SPATS1: variants seen among roughly 807,000 people sequenced by gnomAD.
SPATS1 encodes the protein spermatogenesis associated serine rich 1.
A neutral mutation model predicts 33.6 loss-of-function variants in SPATS1; 23 were observed. The observed-to-expected ratio is 0.68, with a 90% CI of 0.49 to 0.97. The LOEUF is 0.97. SPATS1 is among the 50% of genes least tolerant of loss of function. The pLI, the probability that SPATS1 is intolerant of heterozygous loss-of-function variation, is 0.00. For missense variants in SPATS1, 327 were observed against 361.0 expected, an observed-to-expected ratio of 0.91 and a Z score of 0.76; for synonymous variants, 131 against 125.6, an observed-to-expected ratio of 1.04 and a Z score of -0.29.
At chr6:44,376,833 G>A (rs1316153886) in intron 8 of SPATS1, among the ~76,000 whole-genome samples, 1 of 152,112 alleles carries the variant, frequency 6.6e-6, no homozygotes, top group African/African-American at 2.4e-5. Context: ...CAAAACTGGA[G>A]GAGTCCAGAG....
Position 44,361,566 on chromosome 6 carries a change from G to A in SPATS1, c.413-265G>A. The A allele has an allele frequency of 3.1e-6, 3 of 981,748 alleles. No individual in the cohort carries two copies. In the South Asian group the frequency reaches 1.4e-4, roughly 46 times the overall value. The allele number at this position is 981,748 out of a possible 1,614,324, so 60.8% of individuals were successfully genotyped here. On this transcript the variant is annotated intron_variant, in intron 4 of 8. Transcript: ENST00000674044. ...TCAATACTTAACTTCCAAACATAAA[G>A]TTGGCTTTATTTTTGAAGGAGAGGG...
chr6:44,350,545 G>A (rs772796057), intron 2 of SPATS1, among the ~76,000 whole-genome samples: 1 of 152,242 alleles, frequency 6.6e-6, no homozygotes, highest in Non-Finnish European at 1.5e-5. Flanking sequence ...CCCAGAGTGG[G>A]AGGATTTTGA....
At chr6:44,355,882 T>C (rs552888759) in intron 3 of SPATS1, among the ~76,000 whole-genome samples, 1 of 152,328 alleles carries the variant, frequency 6.6e-6, no homozygotes, top group Admixed American at 6.5e-5. Flanking sequence ...GTTCACATCC[T>C]GTAGGATGGG....
intron 2 of SPATS1, chr6:44,343,668 C>T (rs1006805796): frequency 5.2e-5 from 19 of 366,338 alleles, no homozygotes; most frequent in African/African-American, 4.0e-4. Flanking sequence ...TTGGATGGGA[C>T]AGTTCAGGTG....
chr6:44,344,700 T>A (rs1265786931), intron 2 of SPATS1, among the ~76,000 whole-genome samples: 2 of 151,788 alleles, frequency 1.3e-5, no homozygotes, highest in African/African-American at 4.8e-5. Flanking sequence ...TATTCCTGCC[T>A]AAAAAAATGG....
intron 2 of SPATS1, 83 bp from the exon 3 acceptor site, chr6:44,352,643 A>C (rs1468249257): frequency 7.5e-7 from 1 of 1,331,902 alleles, no homozygotes; most frequent in Non-Finnish European, 1.1e-6. Flanking sequence ...CTGTTTTAAA[A>C]ATTTATTTAT....
At position 44,379,630 on chromosome 6, in the gene SPATS1, A is replaced by G. The variant is rs886174571; in HGVS notation, c.*2567A>G. Reference sequence around the variant, plus strand: ...AAAAAAAAAAAAAAAAAAAAAAAGAAAGAAAGAAAGAAAGAAAAACAACCA... The same window carrying G: ...AAAAAAAAAAAAAAAAAAAAAAAGAGAGAAAGAAAGAAAGAAAAACAACCA... On this transcript the variant is annotated 3_prime_UTR_variant, in exon 9 of 9. Transcript: ENST00000674044. Among the ~76,000 whole-genome samples, 1 of 147,244 alleles carries G rather than the reference A, an allele frequency of 6.8e-6. No homozygotes were observed. The highest frequency in any genetic ancestry group is 1.5e-5 in the Non-Finnish European group (1 of 66,786).
chr6:44,362,085 C>T (rs1788957396), intron 5 of SPATS1, 93 bp downstream of exon 5: 1 of 1,480,966 alleles, frequency 6.8e-7, no homozygotes, highest in Non-Finnish European at 9.3e-7. Flanking sequence ...TGGGGGCAGC[C>T]CTGTAGAGTC....
Position 44,352,747 on chromosome 6 carries a change from T to G in SPATS1, c.161T>G (p.Leu54Arg). Reference protein sequence around the residue: ...RTYSANCSDFLESKGCFANTT... With the variant: ...RTYSANCSDFRESKGCFANTT... ...ACAGGTGCTAATTGCAGTGATTTTC[T>G]GGAATCTAAGGGATGTTTTGCCAAC... The change falls in exon 3 of 9, where the codon CTG (leucine) becomes CGG (arginine). Residue 54 changes from leucine to arginine, a missense_variant. Transcript: ENST00000674044. 6.2e-7 allele frequency: 1 copy of G among 1,614,202 alleles called. No homozygotes were observed. Among genetic ancestry groups the G allele is most frequent in the South Asian group, 1.1e-5 (1 of 91,078 alleles).
At chr6:44,364,908 A>C (rs1021195667) in intron 5 of SPATS1, among the ~76,000 whole-genome samples, 4 of 151,368 alleles carry the variant, frequency 2.6e-5, no homozygotes, top group African/African-American at 9.7e-5. Context: ...AGCAATTCTC[A>C]TGTCTCAGCC....
chr6:44,376,993 T>C (rs975174440), intron 8 of SPATS1, 42 bp from the exon 9 acceptor site: 15 of 1,613,148 alleles, frequency 9.3e-6, no homozygotes, highest in Middle Eastern at 3.3e-4. Flanking sequence ...TTGTTAGTTT[T>C]GTAATGGAAG....
intron 7 of SPATS1, 87 bp downstream of exon 7, chr6:44,370,200 A>G: frequency 7.8e-7 from 1 of 1,285,820 alleles, no homozygotes. Context: ...GAGCAGGTAG[A>G]TAACCAGGAC....
chr6:44,346,505 T>C (rs150962570), intron 2 of SPATS1, among the ~76,000 whole-genome samples: 9 of 152,262 alleles, frequency 5.9e-5, no homozygotes, highest in African/African-American at 1.7e-4. Flanking sequence ...CATGTCAGCC[T>C]CTCAAGTAGC....
intron 2 of SPATS1, among the ~76,000 whole-genome samples, chr6:44,344,054 G>A (rs1384298108): frequency 1.3e-5 from 2 of 152,220 alleles, no homozygotes; most frequent in East Asian, 3.8e-4. Context: ...AGAAGGAGGA[G>A]CTGGAGGAGT....
At chr6:44,371,843 G>T (rs1426238607) in intron 7 of SPATS1, among the ~76,000 whole-genome samples, 1 of 151,898 alleles carries the variant, frequency 6.6e-6, no homozygotes, top group African/African-American at 2.4e-5. Flanking sequence ...TACTCGGGAG[G>T]CTGAGGCAGG....
At chr6:44,347,100 C>T (rs564107704) in intron 2 of SPATS1, among the ~76,000 whole-genome samples, 5 of 152,206 alleles carry the variant, frequency 3.3e-5, no homozygotes, top group Admixed American at 6.5e-5. Flanking sequence ...TGGAAACCCT[C>T]ATTCTCACCA....
intron 1 of SPATS1, 69 bp from the exon 2 acceptor site, chr6:44,343,027 T>C (rs2153363830): frequency 5.0e-6 from 8 of 1,592,628 alleles, no homozygotes; most frequent in Non-Finnish European, 6.9e-6. Flanking sequence ...TTTTGACTGA[T>C]ACCTTTCTTA....
At chr6:44,376,974 GATTGAGA>G in intron 8 of SPATS1, 54 bp from the exon 9 acceptor site, 1 of 1,596,662 alleles carries the variant, frequency 6.3e-7, no homozygotes, top group Non-Finnish European at 8.6e-7. Flanking sequence ...CGAGTGTATT[GATTGAGA>G]ATTGTTAGTT....
intron 4 of SPATS1, among the ~76,000 whole-genome samples, chr6:44,361,126 G>C (rs761380712): frequency 6.6e-6 from 1 of 152,158 alleles, no homozygotes; most frequent in Non-Finnish European, 1.5e-5. Flanking sequence ...AATGGGATCA[G>C]AACCCACACT....
Sources: gnomAD v4.1 joint callset for allele counts (sites outside exome capture counted in the v4.1 genomes callset) on GRCh38, gnomAD v4.1.1 for gene constraint, MANE v1.5 for transcripts, NCBI Gene and HGNC (gene_info 2026-07-23, HGNC 2026-07-21) for gene names.